Variants in TYW1B observed in about 807,000 individuals in gnomAD.
TYW1B encodes the protein S-adenosyl-L-methionine-dependent tRNA 4-demethylwyosine synthase TYW1B.
A neutral mutation model predicts 86.9 loss-of-function variants in TYW1B; 73 were observed. That is an observed-to-expected ratio of 0.84 (90% CI 0.70 to 1.02). TYW1B has a LOEUF of 1.02. Among genes scored for constraint, TYW1B ranks in the 50% least tolerant of loss-of-function variants. The pLI is 0.00. For missense variants in TYW1B, 637 were observed against 827.4 expected (o/e 0.77, Z 2.82); for synonymous variants, 248 against 292.8 (o/e 0.85, Z 1.56).
intron 2 of TYW1B, among the ~76,000 whole-genome samples, chr7:72,821,698 C>T (rs1788830222): frequency 6.6e-6 from 1 of 152,080 alleles, no homozygotes; most frequent in South Asian, 2.1e-4. Context: ...GTAGAACAAA[C>T]AGAATCTGCT....
intron 13 of TYW1B, among the ~76,000 whole-genome samples, chr7:72,615,513 C>T (rs1812050591): frequency 6.6e-6 from 1 of 152,096 alleles, no homozygotes; most frequent in African/African-American, 2.4e-5. Context: ...TAGAAATAAT[C>T]TTCTAAATAC....
chr7:72,786,027 T>C (rs1208902205), intron 6 of TYW1B, among the ~76,000 whole-genome samples: 1 of 151,720 alleles, frequency 6.6e-6, no homozygotes, highest in Non-Finnish European at 1.5e-5. Flanking sequence ...CAGAATTGCA[T>C]GAACCCGGGA....
intron 9 of TYW1B, among the ~76,000 whole-genome samples, chr7:72,718,451 C>A (rs1302474356): frequency 3.3e-5 from 5 of 151,934 alleles, no homozygotes; most frequent in African/African-American, 1.2e-4. Context: ...GCACATGTAC[C>A]CCAATACAAA....
At chr7:72,612,085 G>A (rs1404723293) in intron 13 of TYW1B, among the ~76,000 whole-genome samples, 4 of 149,670 alleles carry the variant, frequency 2.7e-5, no homozygotes, top group African/African-American at 4.9e-5. Context: ...TCGCTCTGTC[G>A]CCCAGGCTGG....
chr7:72,818,356 T>G (rs1365922389), intron 2 of TYW1B, among the ~76,000 whole-genome samples: 4 of 150,178 alleles, frequency 2.7e-5, no homozygotes, highest in Non-Finnish European at 5.9e-5. Context: ...CTGAGGCGGG[T>G]GGATCACTTG....
In TYW1B at chr7:72,761,481, C is replaced by T. The variant is rs1411377547; in HGVS notation, c.964+15935G>A. On this transcript the variant is annotated intron_variant, in intron 7 of 13. Coordinates refer to ENST00000620995, the MANE Select transcript of TYW1B (RefSeq NM_001145440.3). ...TTTGAGTCAGACATAGTGGCTCATA[C>T]GAGGGAGGCTGAGGTAGAAGGATCA... 9.2e-5 allele frequency among the ~76,000 whole-genome samples: 14 copies of T among 151,394 alleles called. 1 individual carries two copies. In the East Asian group the frequency reaches 9.7e-4, roughly 10 times the overall value.
chr7:72,624,209 A>G (rs367805829), intron 12 of TYW1B, among the ~76,000 whole-genome samples: 1 of 152,244 alleles, frequency 6.6e-6, no homozygotes, highest in East Asian at 1.9e-4. Flanking sequence ...CCTATTGAAC[A>G]GGAAAAGCAT....
At chr7:72,703,408 C>T (rs1554453083) in intron 10 of TYW1B, among the ~76,000 whole-genome samples, 1 of 152,040 alleles carries the variant, frequency 6.6e-6, no homozygotes, top group Non-Finnish European at 1.5e-5. Context: ...CCAGAATATT[C>T]TAATTATCTC....
chr7:72,754,003 G>A (rs12535216), intron 7 of TYW1B, among the ~76,000 whole-genome samples: 14,132 of 152,026 alleles, frequency 0.093, 746 homozygotes, highest in African/African-American at 0.1. Context: ...TCCAAGGTAC[G>A]CCTGTCATTT....
intron 13 of TYW1B, among the ~76,000 whole-genome samples, chr7:72,592,374 A>T (rs1330226453): frequency 7.9e-5 from 12 of 152,100 alleles, no homozygotes; most frequent in Non-Finnish European, 5.9e-5. Context: ...TGTCCATTGT[A>T]AGCACAAGGA....
chr7:72,780,352 C>T (rs1431458942), intron 6 of TYW1B, among the ~76,000 whole-genome samples: 1 of 152,154 alleles, frequency 6.6e-6, no homozygotes, highest in African/African-American at 2.4e-5. Flanking sequence ...TGAAGCAATT[C>T]TATATAGCGA....
At chr7:72,643,416 G>A (rs1171548962) in intron 11 of TYW1B, among the ~76,000 whole-genome samples, 3 of 151,858 alleles carry the variant, frequency 2.0e-5, no homozygotes, top group Non-Finnish European at 2.9e-5. Context: ...GTGAAACCTC[G>A]TCTTTACTAA....
chr7:72,731,007 A>C (rs1457849824), intron 8 of TYW1B, among the ~76,000 whole-genome samples: 1 of 151,586 alleles, frequency 6.6e-6, no homozygotes, highest in Non-Finnish European at 1.5e-5. Flanking sequence ...AAATTCTAAA[A>C]ACAGCAATTG....
intron 13 of TYW1B, among the ~76,000 whole-genome samples, chr7:72,606,753 C>A (rs1290269893): frequency 6.6e-6 from 1 of 151,598 alleles, no homozygotes. Context: ...AACAAGGCAC[C>A]CTTCCTACAG....
intron 8 of TYW1B, among the ~76,000 whole-genome samples, chr7:72,736,641 C>A (rs1429885758): frequency 3.3e-5 from 5 of 152,186 alleles, no homozygotes; most frequent in African/African-American, 1.2e-4. Context: ...CATATTCCCT[C>A]CGGCCCTAGG....
chr7:72,818,712 C>T (rs565874289), intron 2 of TYW1B, among the ~76,000 whole-genome samples: 30 of 151,792 alleles, frequency 2.0e-4, no homozygotes, highest in Admixed American at 9.2e-4. Flanking sequence ...TCTGAAGAGG[C>T]CTCAGGGAGC....
intron 7 of TYW1B, among the ~76,000 whole-genome samples, chr7:72,759,186 A>G (rs1787646302): frequency 6.6e-6 from 1 of 152,118 alleles, no homozygotes; most frequent in African/African-American, 2.4e-5. Flanking sequence ...ACAAACAATT[A>G]GCCAGGCGTG....
At chr7:72,674,187 A>G (rs1470335984) in intron 11 of TYW1B, among the ~76,000 whole-genome samples, 3 of 152,094 alleles carry the variant, frequency 2.0e-5, no homozygotes, top group Non-Finnish European at 4.4e-5. Flanking sequence ...CATTCTCAGA[A>G]AGTCACTTTA....
chr7:72,763,512 G>A (rs1787722561), intron 7 of TYW1B, among the ~76,000 whole-genome samples: 2 of 151,882 alleles, frequency 1.3e-5, no homozygotes, highest in African/African-American at 4.8e-5. Context: ...TCAAACTCCT[G>A]ACCTTGTGAT....
Sources: allele counts gnomAD v4.1 joint callset (sites outside exome capture counted in the v4.1 genomes callset), GRCh38; gene constraint gnomAD v4.1.1; transcripts MANE v1.5; gene names NCBI Gene and HGNC (gene_info 2026-07-23, HGNC 2026-07-21).